ELMO1: variants seen among roughly 807,000 people sequenced by gnomAD.
ELMO1 encodes engulfment and cell motility 1, also known as engulfment and cell motility protein 1.
A neutral mutation model predicts 98.9 loss-of-function variants in ELMO1; 26 were observed. The observed-to-expected ratio is 0.26, with a 90% CI of 0.19 to 0.36. The LOEUF (loss-of-function observed/expected upper bound fraction) is 0.36. Among genes scored for constraint, ELMO1 ranks in the 10% least tolerant of loss-of-function variants. The pLI, the probability that ELMO1 is intolerant of heterozygous loss-of-function variation, is 1.00. For missense variants in ELMO1, 627 were observed against 935.2 expected (o/e 0.67, Z 4.30); for synonymous variants, 346 against 346.0 (o/e 1.00, Z 0.00).
chr7:37,106,361 T>C (rs1033726007), intron 14 of ELMO1, among the ~76,000 whole-genome samples: 1 of 152,036 alleles, frequency 6.6e-6, no homozygotes, highest in African/African-American at 2.4e-5. Flanking sequence ...GGGCCTGTGA[T>C]TGAAAGGAGG....
intron 14 of ELMO1, among the ~76,000 whole-genome samples, chr7:37,123,399 TAAA>T (rs2129289886): frequency 6.6e-6 from 1 of 151,740 alleles, no homozygotes; most frequent in Non-Finnish European, 1.5e-5. Context: ...GCAAGACTAA[TAAA>T]GAAGAAAAGA....
At position 37,342,097 on chromosome 7, in the gene ELMO1, G is replaced by A. The variant is rs1278783787; in HGVS notation, c.78+516C>T. ...TGGCAGACAATATGCTAGACACATT[G>A]TGAATTTTACACTAAAAATAAAAAT... On this transcript the variant is annotated intron_variant, in intron 2 of 21. Coordinates refer to ENST00000310758, the MANE Select transcript of ELMO1 (RefSeq NM_014800.11). This position sits in a 1 kb window ranked among gnomAD's most constrained non-coding sequence, Gnocchi z 4.3. Among the ~76,000 whole-genome samples the A allele has an allele frequency of 6.6e-6, 1 of 152,150 alleles. No individual in the cohort carries two copies. Among genetic ancestry groups the A allele is most frequent in the Non-Finnish European group, 1.5e-5 (1 of 68,036 alleles).
rs73112621 is a variant in ELMO1 at position 37,312,085 on chromosome 7, T to C, written c.192+2765A>G. ...CACACAAACACATTCCTACATACTT[T>C]GTTTTTTGTTGTTGTTTTTGTTTTT... On this transcript the variant is annotated intron_variant, in intron 4 of 21. Transcript: ENST00000310758. 2.5e-3 allele frequency among the ~76,000 whole-genome samples: 388 copies of C among 152,334 alleles called. 2 individuals are homozygous for C. The highest frequency in any genetic ancestry group is 6.8e-3 in the Middle Eastern group (2 of 294).
intron 16 of ELMO1, among the ~76,000 whole-genome samples, chr7:36,900,143 C>G (rs920563908): frequency 3.9e-5 from 6 of 152,166 alleles, no homozygotes; most frequent in African/African-American, 1.4e-4. Flanking sequence ...TAACAGCTCT[C>G]TAGGTGATTT....
At chr7:37,020,437 ATTCT>A (rs1250185288) in intron 15 of ELMO1, among the ~76,000 whole-genome samples, 5 of 152,194 alleles carry the variant, frequency 3.3e-5, no homozygotes, top group African/African-American at 9.6e-5. Flanking sequence ...GCAAGGATTT[ATTCT>A]TTCTTTCGTA....
At chr7:37,446,429 G>T (rs1425053348) in intron 1 of ELMO1, among the ~76,000 whole-genome samples, 1 of 152,154 alleles carries the variant, frequency 6.6e-6, no homozygotes, top group Non-Finnish European at 1.5e-5. Flanking sequence ...TTTATATGGG[G>T]TAGCCAGGGA....
At chr7:37,344,144 G>A (rs4723637) in intron 1 of ELMO1, among the ~76,000 whole-genome samples, 106,882 of 151,056 alleles carry the variant, frequency 0.71, 38,007 homozygotes, top group African/African-American at 0.76. Context: ...CGATTCTCCC[G>A]TCTCAGCTTC....
At chr7:37,328,359 G>T (rs186141254) in intron 2 of ELMO1, among the ~76,000 whole-genome samples, 2 of 121,006 alleles carry the variant, frequency 1.7e-5, no homozygotes, top group Admixed American at 1.1e-4. Flanking sequence ...CTCCAGCTCT[G>T]GGCAACATAG....
At chr7:36,869,124 C>T (rs1460925794) in intron 20 of ELMO1, among the ~76,000 whole-genome samples, 2 of 152,242 alleles carry the variant, frequency 1.3e-5, no homozygotes, top group South Asian at 2.1e-4. Flanking sequence ...AAGAGATAAA[C>T]GGAAACCCCC....
intron 16 of ELMO1, among the ~76,000 whole-genome samples, chr7:36,921,103 G>A (rs1037712721): frequency 1.3e-5 from 2 of 151,558 alleles, no homozygotes; most frequent in African/African-American, 2.4e-5. Flanking sequence ...AGCAGGAAGT[G>A]AGCCTTTGCC....
chr7:37,392,610 G>A (rs922357829), intron 1 of ELMO1, among the ~76,000 whole-genome samples: 4 of 152,322 alleles, frequency 2.6e-5, no homozygotes, highest in African/African-American at 9.6e-5. Flanking sequence ...GCTGCCAGGT[G>A]TGAGGCCTCC....
chr7:37,204,623 T>C (rs909589657), intron 13 of ELMO1, among the ~76,000 whole-genome samples: 34 of 152,174 alleles, frequency 2.2e-4, no homozygotes, highest in African/African-American at 6.3e-4. Context: ...TGCTTTTTTT[T>C]CCCTTCTTTG....
intron 16 of ELMO1, among the ~76,000 whole-genome samples, chr7:36,952,370 T>C (rs528166731): frequency 2.0e-5 from 3 of 152,222 alleles, no homozygotes; most frequent in Non-Finnish European, 4.4e-5. Flanking sequence ...GAGCTGGTGA[T>C]GGAAGCACTG....
intron 15 of ELMO1, among the ~76,000 whole-genome samples, chr7:37,056,178 A>G (rs546064648): frequency 6.6e-6 from 1 of 152,310 alleles, no homozygotes; most frequent in South Asian, 2.1e-4. Flanking sequence ...AACACAAGCT[A>G]TTTTTATTGA....
intron 19 of ELMO1, among the ~76,000 whole-genome samples, chr7:36,871,213 T>A (rs1236998603): frequency 6.6e-6 from 1 of 152,194 alleles, no homozygotes; most frequent in East Asian, 1.9e-4. Flanking sequence ...TGGAAGGGTT[T>A]GTGCACTTAA....
At chr7:36,896,224 A>G (rs1438789272) in intron 16 of ELMO1, among the ~76,000 whole-genome samples, 7 of 152,206 alleles carry the variant, frequency 4.6e-5, no homozygotes, top group African/African-American at 1.7e-4. Context: ...ATCACTATGT[A>G]AAAGATAAGG....
intron 19 of ELMO1, among the ~76,000 whole-genome samples, chr7:36,872,701 C>G (rs970215446): frequency 6.6e-6 from 1 of 152,146 alleles, no homozygotes; most frequent in Non-Finnish European, 1.5e-5. Flanking sequence ...TAATCCCTAC[C>G]GTAGGAAGGG....
rs187500404 is a variant in ELMO1 at position 37,211,696 on chromosome 7, G to A, written c.955-179C>T. Among the ~76,000 whole-genome samples the A allele has an allele frequency of 7.2e-5, 11 of 152,236 alleles. No individual in the cohort carries two copies. The East Asian group carries it at 1.2e-3, about 16-fold the overall frequency. The stretch of plus-strand genomic sequence containing the variant: ...GGGCTTTGCAGACCACTCTTCCCCC[G>A]TCAGTCTCCCTGCTGGTCAGGCCTG... On this transcript the variant is annotated intron_variant, in intron 12 of 21. Transcript: ENST00000310758.
intron 19 of ELMO1, among the ~76,000 whole-genome samples, chr7:36,876,100 A>G (rs1001522066): frequency 2.0e-5 from 3 of 152,182 alleles, no homozygotes; most frequent in Non-Finnish European, 4.4e-5. Context: ...TCAACCAACA[A>G]TAACCTCAAC....
Sources: allele counts gnomAD v4.1 joint callset (sites outside exome capture counted in the v4.1 genomes callset), GRCh38; gene constraint gnomAD v4.1.1; non-coding constraint Gnocchi (gnomAD v3.1); transcripts MANE v1.5; gene names NCBI Gene and HGNC (gene_info 2026-07-23, HGNC 2026-07-21).